Variants in INTS15 observed in about 807,000 individuals in gnomAD.
INTS15 encodes uncharacterized protein C7orf26.
At chr7:6,598,786 T>TGTGTGTGTGTGTGTG in the INTS15 span, among the ~76,000 whole-genome samples, 17 of 66,158 alleles carry the variant, frequency 2.6e-4, no homozygotes, top group South Asian at 8.3e-4. Flanking sequence ...TGTGTGTGTG[T>TGTGTGTGTGTGTGTG]ATTTTTTTTT....
At chr7:6,602,051 A>G in the INTS15 span, 1 of 1,530,880 alleles carries the variant, frequency 6.5e-7, no homozygotes, top group Non-Finnish European at 9.0e-7. Flanking sequence ...TGTGTATTTC[A>G]CCGTGTTGTC....
the INTS15 span, chr7:6,602,572 T>A: frequency 4.7e-6 from 2 of 427,666 alleles, no homozygotes; most frequent in East Asian, 1.4e-4. Flanking sequence ...TGTCTGGGAT[T>A]GGCTGTGACA....
the INTS15 span, chr7:6,608,243 C>A: frequency 6.6e-7 from 1 of 1,512,508 alleles, no homozygotes; most frequent in Admixed American, 2.1e-5. Flanking sequence ...CAGAAGAGAA[C>A]CTCGGGGAAG....
chr7:6,590,119 TG>T, the INTS15 span: 1 of 472,370 alleles, frequency 2.1e-6, no homozygotes, highest in Non-Finnish European at 3.3e-6. Context: ...GCAGCAGCGA[TG>T]GCCCCCTGAG....
chr7:6,600,661 A>G, the INTS15 span, among the ~76,000 whole-genome samples: 1 of 151,490 alleles, frequency 6.6e-6, no homozygotes, highest in African/African-American at 2.4e-5. Flanking sequence ...TCTTATTTTT[A>G]TTTATTTATT....
the INTS15 span, among the ~76,000 whole-genome samples, chr7:6,605,889 G>A: frequency 2.0e-5 from 3 of 151,998 alleles, no homozygotes; most frequent in African/African-American, 7.3e-5. Context: ...AATAGAGACG[G>A]GTTTTCGCCA....
the INTS15 span, chr7:6,608,304 C>A: frequency 6.9e-7 from 1 of 1,439,564 alleles, no homozygotes; most frequent in Non-Finnish European, 9.1e-7. Flanking sequence ...GTCACGGAGT[C>A]CAGGTGCTTC....
the INTS15 span, among the ~76,000 whole-genome samples, chr7:6,595,462 C>A: frequency 6.6e-6 from 1 of 152,120 alleles, no homozygotes. Context: ...TTGCACCCAG[C>A]CTGAAATGTG....
chr7:6,604,571 T>G, the INTS15 span, among the ~76,000 whole-genome samples: 11 of 152,164 alleles, frequency 7.2e-5, no homozygotes, highest in Admixed American at 3.9e-4. Context: ...GTGAGCAGTG[T>G]GGACAGAGGG....
At chr7:6,600,395 C>T in the INTS15 span, 7 of 1,565,012 alleles carry the variant, frequency 4.5e-6, no homozygotes, top group Non-Finnish European at 6.1e-6. Context: ...GGTGCGGGGA[C>T]ACCGCCGCCC....
the INTS15 span, chr7:6,594,465 G>A: frequency 1.2e-6 from 2 of 1,614,112 alleles, no homozygotes; most frequent in Non-Finnish European, 1.7e-6. Flanking sequence ...TGTGAGGTTA[G>A]CCAAGGCCCT....
At chr7:6,608,060 G>C in the INTS15 span, 1 of 1,597,866 alleles carries the variant, frequency 6.3e-7, no homozygotes, top group Non-Finnish European at 8.5e-7. Context: ...GCTGGGCTAC[G>C]GGGCTGTCCC....
At chr7:6,598,732 G>T in the INTS15 span, among the ~76,000 whole-genome samples, 1 of 73,398 alleles carries the variant, frequency 1.4e-5, no homozygotes. Context: ...TGGGCTGTAT[G>T]CTTTGTGTGT....
At chr7:6,604,825 G>C in the INTS15 span, among the ~76,000 whole-genome samples, 1 of 152,190 alleles carries the variant, frequency 6.6e-6, no homozygotes. Context: ...GGGAGGAGCC[G>C]GGGCAGATGT....
At chr7:6,591,252 G>A in the INTS15 span, among the ~76,000 whole-genome samples, 1 of 148,826 alleles carries the variant, frequency 6.7e-6, no homozygotes, top group Non-Finnish European at 1.5e-5. Flanking sequence ...GGAAAATACT[G>A]TTATTTCCTG....
the INTS15 span, chr7:6,602,036 G>A: frequency 1.2e-4 from 167 of 1,402,736 alleles, no homozygotes; most frequent in Middle Eastern, 1.8e-4. Flanking sequence ...TGCAAAGAAC[G>A]TCAGTGTGTA....
At chr7:6,608,289 T>G in the INTS15 span, 1 of 1,458,518 alleles carries the variant, frequency 6.9e-7, no homozygotes, top group Non-Finnish European at 9.0e-7. Flanking sequence ...CAGAACCGTC[T>G]TGGTGTCACG....
chr7:6,600,116 C>A, the INTS15 span: 1 of 1,614,222 alleles, frequency 6.2e-7, no homozygotes, highest in East Asian at 2.2e-5. Context: ...GTACTCAAAA[C>A]TCCACCTCAG....
chr7:6,591,983 C>G, the INTS15 span: 1 of 834,266 alleles, frequency 1.2e-6, no homozygotes, highest in East Asian at 2.6e-5. Context: ...ACCAGCCTGA[C>G]CAACATGGCG....
Sources: allele counts gnomAD v4.1 joint callset (sites outside exome capture counted in the v4.1 genomes callset), GRCh38; gene constraint gnomAD v4.1.1; transcripts MANE v1.5; gene names NCBI Gene and HGNC (gene_info 2026-07-23, HGNC 2026-07-21).